Variants in SRRT observed in about 807,000 individuals in gnomAD.
The protein encoded by SRRT is serrate RNA effector molecule homolog.
SRRT carries 32 observed loss-of-function variants against 103.2 expected under a neutral mutation model. That is an observed-to-expected ratio of 0.31 (90% confidence interval 0.23 to 0.42). SRRT has a LOEUF of 0.42. Ranked by LOEUF, SRRT falls within the 10% of genes least tolerant of loss-of-function variation. SRRT has a pLI of 1.00. For missense variants in SRRT, 986 were observed against 1,207.5 expected (o/e 0.82, Z 2.72); for synonymous variants, 525 against 449.0 (o/e 1.17, Z -2.14).
At position 100,883,711 on chromosome 7, in the gene SRRT, C is replaced by G. The variant is rs536851937; in HGVS notation, c.588-359C>G. The stretch of plus-strand genomic sequence containing the variant: ...TCTTCAGGGCCTGCTATTTCCTGAG[C>G]CTTCCTCTCTGAAGCTTTGGGAAAT... On this transcript the variant is annotated intron_variant, in intron 5 of 19. Coordinates refer to ENST00000611405, the MANE Select transcript of SRRT (RefSeq NM_015908.6). Among the ~76,000 whole-genome samples the G allele has an allele frequency of 3.3e-5, 5 of 152,298 alleles. No homozygotes were observed. In the South Asian group the frequency reaches 8.3e-4, roughly 25 times the overall value.
intron 2 of SRRT, among the ~76,000 whole-genome samples, chr7:100,879,179 C>T (rs1816049263): frequency 6.6e-6 from 1 of 152,136 alleles, no homozygotes; most frequent in South Asian, 2.1e-4. Flanking sequence ...TGGTCTCAAA[C>T]TTCTGACCTC....
Position 100,888,584 on chromosome 7 carries a change from A to C in SRRT, c.*35A>C. 1 of 1,612,184 alleles carries C rather than the reference A, an allele frequency of 6.2e-7. No individual in the cohort carries two copies. The highest frequency in any genetic ancestry group is 8.5e-7 in the Non-Finnish European group (1 of 1,178,294). Reference sequence around the variant, plus strand: ...CGTTCCTCAGTCCTGTATCATCCATACTTGTACTACCTTGTCCTATGAAGC... The same window carrying C: ...CGTTCCTCAGTCCTGTATCATCCATCCTTGTACTACCTTGTCCTATGAAGC... On this transcript the variant is annotated 3_prime_UTR_variant, in exon 20 of 20. Transcript: ENST00000611405.
At chr7:100,876,216 A>G (rs919092796) in intron 2 of SRRT, among the ~76,000 whole-genome samples, 3 of 152,170 alleles carry the variant, frequency 2.0e-5, no homozygotes, top group South Asian at 2.1e-4. Flanking sequence ...CAATGGCGCA[A>G]TCTTGGCTCA....
In SRRT at chr7:100,885,586, G is replaced by T; in HGVS notation, c.1318-115G>T. 1 of 1,241,232 alleles carries T rather than the reference G, an allele frequency of 8.1e-7. No individual in the cohort carries two copies. Among genetic ancestry groups the T allele is most frequent in the Non-Finnish European group, 1.1e-6 (1 of 870,890 alleles). The allele number at this position is 1,241,232 out of a possible 1,614,324, so 76.9% of individuals were successfully genotyped here. The stretch of plus-strand genomic sequence containing the variant: ...CTTTAGTGGTTTTTCCCTGCCCAAG[G>T]ATGGGAAGAGTGATAAGGCAGTTAG... On this transcript the variant is annotated intron_variant, in intron 10 of 19. Transcript: ENST00000611405. The surrounding 1 kb of genome is among the most constrained non-coding windows in gnomAD (Gnocchi z 4.8).
chr7:100,875,442 A>G (rs1815576590), intron 1 of SRRT, 114 bp downstream of exon 1: 1 of 1,479,996 alleles, frequency 6.8e-7, no homozygotes, highest in Non-Finnish European at 9.0e-7. Context: ...CCGCGTTCTC[A>G]GGCCTAGGAT....
chr7:100,883,088 A>G (rs1490069395), intron 5 of SRRT: 1 of 152,272 alleles, frequency 6.6e-6, no homozygotes, highest in African/African-American at 2.4e-5. Flanking sequence ...CCAAGCGGCC[A>G]AGGTAAAGAT....
intron 2 of SRRT, among the ~76,000 whole-genome samples, chr7:100,879,307 C>G (rs1816058892): frequency 1.3e-5 from 2 of 152,018 alleles, no homozygotes; most frequent in African/African-American, 2.4e-5. Flanking sequence ...CCATGTTGCC[C>G]CAGCCTGGTC....
rs1290319653 is a variant in SRRT, at chr7:100,886,959, G to C, written c.1812G>C (p.Lys604Asn). The C allele has an allele frequency of 6.2e-7, 1 of 1,610,610 alleles. No homozygotes were observed. The highest frequency in any genetic ancestry group is 1.3e-5 in the African/African-American group (1 of 74,900). The change falls in exon 14 of 20, where the codon AAG becomes AAC. Residue 604 changes from lysine (K) to asparagine (N), a missense_variant. Around this residue, in one of 6 missense-constraint regions of SRRT, gnomAD observed 349 missense variants for 446.9 expected, o/e 0.78. Coordinates refer to ENST00000611405, the MANE Select transcript of SRRT (RefSeq NM_015908.6). ...AGATCAACGTGGAGCGGGATGAGAA[G>C]TTGATTAAGGTGCCAGTGGCAGCGC... is the stretch of plus-strand genomic sequence containing the variant. ...PAEINVERDE[K>N]LIKVLDKLLL...
chr7:100,886,843 A>G lies in SRRT; in HGVS notation c.1696A>G (p.Ile566Val). ...PILKNITDYL[I>V]EEVSAEEEEL... Reference sequence around the variant, plus strand: ...CTTGAAGAATATCACCGACTACCTGATCGAGGAAGTAAGCGCCGAGGAGGA... The same window carrying G: ...CTTGAAGAATATCACCGACTACCTGGTCGAGGAAGTAAGCGCCGAGGAGGA... Residue 566 changes from isoleucine to valine, a missense_variant, in exon 14 of 20, where the codon ATC becomes GTC. Physicochemically the swap from Ile to Val is conservative, Grantham distance 29. Coordinates refer to ENST00000611405, the MANE Select transcript of SRRT (RefSeq NM_015908.6). 2 of 1,614,166 alleles carry G rather than the reference A, an allele frequency of 1.2e-6. No homozygotes were observed. Among genetic ancestry groups the G allele is most frequent in the Non-Finnish European group, 1.7e-6 (2 of 1,180,038 alleles).
rs929198697 is a variant in SRRT at position 100,882,367 on chromosome 7, G to C, written c.587+126G>C. Reference sequence around the variant, plus strand: ...ACTTTCTGGGGGCGGGGGTCGGGAAGTATGACAGCATTGGCTGATGGGGTC... The same window carrying C: ...ACTTTCTGGGGGCGGGGGTCGGGAACTATGACAGCATTGGCTGATGGGGTC... On this transcript the variant is annotated intron_variant, in intron 5 of 19. Coordinates refer to ENST00000611405, the MANE Select transcript of SRRT (RefSeq NM_015908.6). This position sits in a 1 kb window ranked among gnomAD's most constrained non-coding sequence, Gnocchi z 4.2. 1 of 1,089,516 alleles carries C rather than the reference G, an allele frequency of 9.2e-7. No individual in the cohort carries two copies. The highest frequency in any genetic ancestry group is 1.6e-5 in the African/African-American group (1 of 62,816). The allele number at this position is 1,089,516 out of a possible 1,614,324, so 67.5% of individuals were successfully genotyped here. A position where few individuals can be genotyped will look rare whatever the true frequency, so the allele number is the denominator to read the frequency against.
Position 100,884,904 on chromosome 7 carries a change from T to G in SRRT, c.1042-19T>G, listed in dbSNP as rs763934662. On this transcript the variant is annotated intron_variant, in intron 8 of 19. Transcript: ENST00000611405. Reference sequence around the variant, plus strand: ...GGTTCTGGCACGCTGACTTGTCCCCTCTGCTGTGGCTCACACAGAGTAGCA... The same window carrying G: ...GGTTCTGGCACGCTGACTTGTCCCCGCTGCTGTGGCTCACACAGAGTAGCA... 1.7e-5 allele frequency: 28 copies of G among 1,613,780 alleles called. No homozygotes were observed.
rs1201911341 is a variant in SRRT, at chr7:100,886,775, G to T, written c.1648-20G>T. On this transcript the variant is annotated intron_variant, in intron 13 of 19. Transcript: ENST00000611405. The stretch of plus-strand genomic sequence containing the variant: ...TCTGAAGGTCTTCTCTGCCTTACTT[G>T]CTTCTCTTCCTCCCATCAGAGCCTG... 6.2e-7 allele frequency: 1 copy of T among 1,613,682 alleles called. No individual in the cohort carries two copies. Among genetic ancestry groups the T allele is most frequent in the South Asian group, 1.1e-5 (1 of 90,964 alleles).
At chr7:100,881,599 C>T (rs1046234919) in intron 3 of SRRT, 60 bp from the exon 4 acceptor site, 5 of 1,608,266 alleles carry the variant, frequency 3.1e-6, no homozygotes, top group Non-Finnish European at 4.2e-6. Flanking sequence ...TCTGTCCATC[C>T]TCCATGCTCT....
In SRRT at chr7:100,884,838, G is replaced by T; in HGVS notation, c.1041G>T (p.Lys347Asn). Residue 347 changes from lysine to asparagine, a missense_variant and splice_region_variant, in exon 8 of 20, where the codon AAG (lysine) becomes AAT (asparagine). Transcript: ENST00000611405. ...KKEDSEKEAK[K>N]SSKKRNRKHS... ...AAGACTCCGAGAAGGAAGCCAAAAA[G>T]GTGAGGTGTCTGTGGCCTGGGGTCA... 1 of 1,614,048 alleles carries T rather than the reference G, an allele frequency of 6.2e-7. No homozygotes were observed. Among genetic ancestry groups the T allele is most frequent in the Non-Finnish European group, 8.5e-7 (1 of 1,179,956 alleles).
chr7:100,886,686 T>C, intron 13 of SRRT, 109 bp from the exon 14 acceptor site: 1 of 1,295,972 alleles, frequency 7.7e-7, no homozygotes, highest in Non-Finnish European at 1.1e-6. Flanking sequence ...AGGTGCCATT[T>C]ATGTCCGGTG....
chr7:100,887,583 CA>C lies in SRRT; in HGVS notation c.2169+71del. Reference sequence around the variant, plus strand: ...GGGTTGAGACAGGAAGCCCCCTGGGCAGGGGTGGGGGAACTGCTTACTGCAC... The same window carrying C: ...GGGTTGAGACAGGAAGCCCCCTGGGCGGGGTGGGGGAACTGCTTACTGCAC... On this transcript the variant is annotated intron_variant, in intron 16 of 19. Coordinates refer to ENST00000611405, the MANE Select transcript of SRRT (RefSeq NM_015908.6). The surrounding 1 kb of genome is among the most constrained non-coding windows in gnomAD (Gnocchi z 4.1). 1.3e-6 allele frequency: 2 copies of C among 1,587,762 alleles called. No individual in the cohort carries two copies. The highest frequency in any genetic ancestry group is 1.7e-6 in the Non-Finnish European group (2 of 1,164,748).
At position 100,885,490 on chromosome 7, in the gene SRRT, C is replaced by T; in HGVS notation, c.1317+120C>T. 8.1e-7 allele frequency: 1 copy of T among 1,235,768 alleles called. No individual in the cohort carries two copies. The highest frequency in any genetic ancestry group is 1.1e-6 in the Non-Finnish European group (1 of 892,650). The allele number at this position is 1,235,768 out of a possible 1,614,324, so 76.6% of individuals were successfully genotyped here. On this transcript the variant is annotated intron_variant, in intron 10 of 19. Transcript: ENST00000611405. This position sits in a 1 kb window ranked among gnomAD's most constrained non-coding sequence, Gnocchi z 4.8. ...TTCACCTGCTAGGGAGGCCCCTTCC[C>T]CAGGTTCCATGGCCTCCGAGGACTA... is the stretch of plus-strand genomic sequence containing the variant.
chr7:100,880,699 C>A (rs138529245), intron 2 of SRRT: 15 of 430,226 alleles, frequency 3.5e-5, no homozygotes, highest in Non-Finnish European at 6.6e-5. Context: ...TTTTTAGAGA[C>A]AGGGTCTCCC....
Position 100,886,893 on chromosome 7 carries a change from C to T in SRRT, c.1746C>T (p.Gly582=). 5.0e-6 allele frequency: 8 copies of T among 1,614,030 alleles called. No homozygotes were observed. Among genetic ancestry groups the T allele is most frequent in the African/African-American group, 1.3e-5 (1 of 75,024 alleles). The change falls in exon 14 of 20, where the codon GGC becomes GGT. Residue 582 remains glycine (G), a synonymous_variant. Transcript: ENST00000611405. ...EEEELLGSSG[G]APPEEPPKEG... ...AGGAGCTGCTGGGGAGCAGCGGGGG[C>T]GCTCCTCCTGAGGAGCCTCCTAAGG...
Sources: allele counts gnomAD v4.1 joint callset (sites outside exome capture counted in the v4.1 genomes callset), GRCh38; gene constraint gnomAD v4.1.1; regional missense constraint gnomAD v4.1.1; non-coding constraint Gnocchi (gnomAD v3.1); transcripts MANE v1.5; gene names NCBI Gene and HGNC (gene_info 2026-07-23, HGNC 2026-07-21).